PIP4K2A: variants seen among roughly 807,000 people sequenced by gnomAD.
PIP4K2A encodes the protein phosphatidylinositol-5-phosphate 4-kinase type 2 alpha, also known as phosphatidylinositol 5-phosphate 4-kinase type-2 alpha.
Under a neutral mutation model 42.9 loss-of-function variants are expected in PIP4K2A, and 14 were observed. That is an observed-to-expected ratio of 0.33 (90% CI 0.22 to 0.51). PIP4K2A has a LOEUF of 0.51. Ranked by LOEUF, PIP4K2A falls within the 20% of genes least tolerant of loss-of-function variation. The pLI, the probability that PIP4K2A is intolerant of heterozygous loss-of-function variation, is 0.97. For synonymous variants in PIP4K2A, 192 were observed against 192.2 expected (o/e 1.00, Z 0.01); for missense variants, 434 against 519.8 (o/e 0.83, Z 1.61).
In PIP4K2A at chr10:22,541,036, T is replaced by C. The variant is rs1490228783; in HGVS notation, c.1036+768A>G. On this transcript the variant is annotated intron_variant, in intron 8 of 9. Transcript: ENST00000376573. ...ACTGATGAGCCACAGTTTTTATTAT[T>C]CAAAAACCAAGAAGCTGTTTTTATC... Among the ~76,000 whole-genome samples, 4 of 152,360 alleles carry C rather than the reference T, an allele frequency of 2.6e-5. No individual in the cohort carries two copies. In the East Asian group the frequency reaches 7.7e-4, roughly 29 times the overall value.
chr10:22,689,439 A>G (rs574610447), intron 1 of PIP4K2A, among the ~76,000 whole-genome samples: 1 of 152,338 alleles, frequency 6.6e-6, no homozygotes, highest in Admixed American at 6.5e-5. Flanking sequence ...TATACTGAAC[A>G]TGTACAGACT....
chr10:22,670,533 G>A (rs972571761), intron 1 of PIP4K2A, among the ~76,000 whole-genome samples: 5 of 152,016 alleles, frequency 3.3e-5, no homozygotes, highest in African/African-American at 9.7e-5. Context: ...TATTGCATAC[G>A]TACAGGGCAT....
intron 6 of PIP4K2A, among the ~76,000 whole-genome samples, chr10:22,561,661 G>A (rs917481340): frequency 7.3e-6 from 1 of 137,504 alleles, no homozygotes; most frequent in African/African-American, 2.7e-5. Context: ...CTGCAGCATC[G>A]ACATCCTGAG....
intron 7 of PIP4K2A, among the ~76,000 whole-genome samples, chr10:22,549,290 C>T (rs144997886): frequency 3.1e-4 from 47 of 151,884 alleles, no homozygotes; most frequent in East Asian, 1.2e-3. Context: ...ATACTGCTTC[C>T]GCCTTCATGG....
intron 1 of PIP4K2A, among the ~76,000 whole-genome samples, chr10:22,710,217 T>C (rs1477343501): frequency 6.6e-6 from 1 of 152,090 alleles, no homozygotes; most frequent in East Asian, 1.9e-4. Context: ...ATGGTGCTCA[T>C]CAGGCTGGCC....
chr10:22,671,014 C>G (rs1839438011), intron 1 of PIP4K2A, among the ~76,000 whole-genome samples: 1 of 152,130 alleles, frequency 6.6e-6, no homozygotes, highest in Admixed American at 6.5e-5. Flanking sequence ...TAACTACTGG[C>G]TATGATGTAA....
intron 1 of PIP4K2A, among the ~76,000 whole-genome samples, chr10:22,617,716 G>A (rs953755508): frequency 3.3e-5 from 5 of 152,152 alleles, no homozygotes; most frequent in African/African-American, 1.2e-4. Flanking sequence ...TGGCGGAAGT[G>A]GCAGGGGGCC....
intron 2 of PIP4K2A, among the ~76,000 whole-genome samples, chr10:22,608,671 A>AGG (rs1435719588): frequency 1.3e-5 from 2 of 152,144 alleles, no homozygotes; most frequent in African/African-American, 4.8e-5. Context: ...CAGGAGTTTG[A>AGG]GGCCAGCCTG....
chr10:22,540,174 G>A lies in PIP4K2A; in HGVS notation c.1037-100C>T, dbSNP rs866005726. The A allele has an allele frequency of 7.2e-5, 55 of 761,702 alleles. 1 individual carries two copies. The Middle Eastern group carries it at 1.0e-3, about 14-fold the overall frequency. The allele number at this position is 761,702 out of a possible 1,614,324, so 47.2% of individuals were successfully genotyped here. ...GGAGGGAGAAGTGAGCCTGGAGGGA[G>A]GGGATTCAATGGAACGCGGATGGAA... On this transcript the variant is annotated intron_variant, in intron 8 of 9. Transcript: ENST00000376573.
chr10:22,602,459 T>C (rs1343059909), intron 3 of PIP4K2A, among the ~76,000 whole-genome samples: 5 of 146,252 alleles, frequency 3.4e-5, no homozygotes, highest in African/African-American at 1.3e-4. Flanking sequence ...GAAAAGAAAA[T>C]ACAGATGTCA....
At chr10:22,696,836 T>C (rs1213373249) in intron 1 of PIP4K2A, among the ~76,000 whole-genome samples, 1 of 152,192 alleles carries the variant, frequency 6.6e-6, no homozygotes, top group Non-Finnish European at 1.5e-5. Flanking sequence ...AGACCCTTAA[T>C]TTTCTACTTA....
At chr10:22,691,845 G>A (rs1839876476) in intron 1 of PIP4K2A, 1 of 152,244 alleles carries the variant, frequency 6.6e-6, no homozygotes, top group African/African-American at 2.4e-5. Flanking sequence ...AAGAGCTGCT[G>A]GAAATAGAAC....
At chr10:22,556,978 G>A (rs900488553) in intron 6 of PIP4K2A, among the ~76,000 whole-genome samples, 1 of 152,150 alleles carries the variant, frequency 6.6e-6, no homozygotes, top group Non-Finnish European at 1.5e-5. Context: ...GACACAACAT[G>A]AATGTGCGAA....
At chr10:22,646,774 G>A (rs1246459721) in intron 1 of PIP4K2A, among the ~76,000 whole-genome samples, 1 of 152,170 alleles carries the variant, frequency 6.6e-6, no homozygotes, top group African/African-American at 2.4e-5. Flanking sequence ...GAGTCTGAGA[G>A]TCAGGACTGT....
At chr10:22,684,138 C>T (rs970036455) in intron 1 of PIP4K2A, among the ~76,000 whole-genome samples, 2 of 152,152 alleles carry the variant, frequency 1.3e-5, no homozygotes, top group Non-Finnish European at 2.9e-5. Flanking sequence ...CTTCCCCACT[C>T]ACAGTTTCAG....
intron 1 of PIP4K2A, among the ~76,000 whole-genome samples, chr10:22,650,353 T>A (rs930209222): frequency 6.6e-6 from 1 of 152,142 alleles, no homozygotes; most frequent in Non-Finnish European, 1.5e-5. Flanking sequence ...CTTCCCGGGC[T>A]CAAGGGATCC....
At chr10:22,564,340 A>G (rs1348145760) in intron 6 of PIP4K2A, among the ~76,000 whole-genome samples, 1 of 152,234 alleles carries the variant, frequency 6.6e-6, no homozygotes, top group Non-Finnish European at 1.5e-5. Flanking sequence ...AGGACCAAGC[A>G]CTTGTTGACT....
chr10:22,669,517 G>C (rs560512796), intron 1 of PIP4K2A, among the ~76,000 whole-genome samples: 1 of 152,152 alleles, frequency 6.6e-6, no homozygotes, highest in South Asian at 2.1e-4. Context: ...CAAAAACCAA[G>C]CTATGAAAGA....
intron 6 of PIP4K2A, among the ~76,000 whole-genome samples, chr10:22,552,574 A>G (rs1056489830): frequency 2.6e-5 from 4 of 152,200 alleles, no homozygotes; most frequent in Admixed American, 2.6e-4. Flanking sequence ...AGAACTGTAA[A>G]CATAATGAAG....
Sources: gnomAD v4.1 joint callset for allele counts (sites outside exome capture counted in the v4.1 genomes callset) on GRCh38, gnomAD v4.1.1 for gene constraint, MANE v1.5 for transcripts, NCBI Gene and HGNC (gene_info 2026-07-23, HGNC 2026-07-21) for gene names.